MAL: variants seen among roughly 807,000 people sequenced by gnomAD.
MAL encodes the protein myelin and lymphocyte protein.
In MAL, 5 loss-of-function variants were observed where a neutral mutation model predicts 16.7. The ratio of observed to expected loss-of-function variants is 0.30; its 90% CI spans 0.16 to 0.63. The LOEUF (loss-of-function observed/expected upper bound fraction) is 0.63, where lower values mean the gene tolerates loss of function less well. MAL is among the 30% of genes least tolerant of loss of function. MAL has a pLI of 0.82. For missense variants in MAL, 202 were observed against 195.8 expected, an observed-to-expected ratio of 1.03 and a Z score of -0.19; for synonymous variants, 96 against 85.5, an observed-to-expected ratio of 1.12 and a Z score of -0.67.
intron 1 of MAL, among the ~76,000 whole-genome samples, chr2:95,035,859 C>T (rs1481531896): frequency 1.3e-5 from 2 of 151,930 alleles, no homozygotes; most frequent in African/African-American, 4.8e-5. Flanking sequence ...TTAGTAGAGA[C>T]GGGGTTTCAC....
chr2:95,030,721 G>A (rs1271954317), intron 1 of MAL, among the ~76,000 whole-genome samples: 1 of 152,224 alleles, frequency 6.6e-6, no homozygotes, highest in Non-Finnish European at 1.5e-5. Flanking sequence ...CCCTCCAGGG[G>A]CATGCCCTTC....
chr2:95,035,560 G>A (rs1268354195), intron 1 of MAL, among the ~76,000 whole-genome samples: 1 of 152,152 alleles, frequency 6.6e-6, no homozygotes, highest in African/African-American at 2.4e-5. Context: ...TATGGGAGAG[G>A]CTTCCCTGGG....
At position 95,028,539 on chromosome 2, in the gene MAL, C is replaced by T. The variant is rs374841762; in HGVS notation, c.93+2654C>T. On this transcript the variant is annotated intron_variant, in intron 1 of 3. Coordinates refer to ENST00000309988, the MANE Select transcript of MAL (RefSeq NM_002371.4). ...AGTTTGGTGTTCCCTCAAAAAATTACCCTCTGACCCAGCAATTCCACTCCT... is the reference window on the plus strand; with the variant it reads ...AGTTTGGTGTTCCCTCAAAAAATTATCCTCTGACCCAGCAATTCCACTCCT... Among the ~76,000 whole-genome samples the T allele has an allele frequency of 2.6e-4, 39 of 152,162 alleles. No individual in the cohort carries two copies. In the South Asian group the frequency reaches 6.6e-3, roughly 26 times the overall value.
In MAL at chr2:95,052,107, T is replaced by A. The variant is rs545731585; in HGVS notation, c.388-1274T>A. 1.0e-3 allele frequency among the ~76,000 whole-genome samples: 153 copies of A among 152,284 alleles called. 1 individual carries two copies. Among genetic ancestry groups the A allele is most frequent in the African/African-American group, 3.5e-3 (144 of 41,572 alleles). On this transcript the variant is annotated intron_variant, in intron 3 of 3. Coordinates refer to ENST00000309988, the MANE Select transcript of MAL (RefSeq NM_002371.4). Reference sequence around the variant, plus strand: ...TGCTTTGCCAAAGGGACCCCAGGGATGGGTGGAAGTCGCCTGGGGCGAGAT... The same window carrying A: ...TGCTTTGCCAAAGGGACCCCAGGGAAGGGTGGAAGTCGCCTGGGGCGAGAT...
chr2:95,035,423 A>G (rs1674180578), intron 1 of MAL, among the ~76,000 whole-genome samples: 2 of 152,192 alleles, frequency 1.3e-5, no homozygotes, highest in Admixed American at 1.3e-4. Flanking sequence ...CATGCCTATC[A>G]GAAAGCCCCT....
chr2:95,042,292 G>A (rs1674486439), intron 1 of MAL, among the ~76,000 whole-genome samples: 2 of 152,172 alleles, frequency 1.3e-5, no homozygotes, highest in Non-Finnish European at 1.5e-5. Context: ...ACAGAGCATC[G>A]CCCATGGCCT....
intron 1 of MAL, among the ~76,000 whole-genome samples, chr2:95,035,887 T>C (rs1674193562): frequency 6.6e-6 from 1 of 152,118 alleles, no homozygotes; most frequent in Admixed American, 6.5e-5. Flanking sequence ...GCCAGGATAG[T>C]CTCAATCTCC....
Position 95,037,540 on chromosome 2 carries a change from CTGAG to C in MAL, c.94-10403_94-10400del, listed in dbSNP as rs151095883. On this transcript the variant is annotated intron_variant, in intron 1 of 3. Transcript: ENST00000309988. ...AGTGAGTGAGCAAGCGAGTGAGTGA[CTGAG>C]TGAGTGAGTGAGTGACTGAGTGAGT... Among the ~76,000 whole-genome samples the C allele has an allele frequency of 7.5e-3, 670 of 89,816 alleles. 9 individuals are homozygous for C. Among genetic ancestry groups the C allele is most frequent in the African/African-American group, 0.025 (581 of 22,858 alleles). The allele number at this position is 89,816 out of a possible 152,430, so 58.9% of individuals were successfully genotyped here. A position where few individuals can be genotyped will look rare whatever the true frequency, so the allele number is the denominator to read the frequency against.
intron 1 of MAL, among the ~76,000 whole-genome samples, chr2:95,033,762 A>G (rs867767680): frequency 6.6e-6 from 1 of 152,086 alleles, no homozygotes; most frequent in Admixed American, 6.5e-5. Flanking sequence ...TGGGTGACAG[A>G]GTGAGAACCT....
At chr2:95,039,328 C>CTGAG (rs1170081356) in intron 1 of MAL, among the ~76,000 whole-genome samples, 39 of 83,296 alleles carry the variant, frequency 4.7e-4, no homozygotes, top group Middle Eastern at 0.011. Flanking sequence ...GAGTGAGTGA[C>CTGAG]TGAGTGAGTG....
intron 1 of MAL, among the ~76,000 whole-genome samples, chr2:95,047,199 A>G (rs1210366826): frequency 2.6e-5 from 4 of 152,218 alleles, no homozygotes. Flanking sequence ...ATCAGAAGAA[A>G]TAGCAGCTCT....
chr2:95,036,844 G>GGTGA (rs759723400), intron 1 of MAL, among the ~76,000 whole-genome samples: 4 of 115,926 alleles, frequency 3.5e-5, no homozygotes, highest in Admixed American at 1.8e-4. Flanking sequence ...TGACTGAATG[G>GGTGA]GTGAGTGAGT....
chr2:95,034,743 A>G (rs1311558014), intron 1 of MAL, among the ~76,000 whole-genome samples: 1 of 152,076 alleles, frequency 6.6e-6, no homozygotes, highest in East Asian at 1.9e-4. Flanking sequence ...GACCTCCTTC[A>G]TCTCCATCTG....
intron 1 of MAL, among the ~76,000 whole-genome samples, chr2:95,045,964 T>G (rs1263030859): frequency 6.6e-6 from 1 of 152,238 alleles, no homozygotes; most frequent in Non-Finnish European, 1.5e-5. Flanking sequence ...CCACCGGCCC[T>G]GCCACGTGCC....
chr2:95,042,536 C>A (rs1156776184), intron 1 of MAL, among the ~76,000 whole-genome samples: 1 of 152,208 alleles, frequency 6.6e-6, no homozygotes, highest in Non-Finnish European at 1.5e-5. Flanking sequence ...AGCACTCAAC[C>A]CTTATCCCTC....
At chr2:95,031,489 G>C (rs563751609) in intron 1 of MAL, among the ~76,000 whole-genome samples, 1 of 152,210 alleles carries the variant, frequency 6.6e-6, no homozygotes, top group Non-Finnish European at 1.5e-5. Flanking sequence ...GACTTGGAGC[G>C]GACATCTCGA....
chr2:95,035,048 C>T (rs1674172862), intron 1 of MAL, among the ~76,000 whole-genome samples: 1 of 152,196 alleles, frequency 6.6e-6, no homozygotes, highest in South Asian at 2.1e-4. Context: ...TAAGATGAGT[C>T]CTTGACCTCA....
At chr2:95,049,981 G>A (rs1009833566) in intron 3 of MAL, among the ~76,000 whole-genome samples, 39 of 152,310 alleles carry the variant, frequency 2.6e-4, no homozygotes, top group African/African-American at 9.1e-4. Context: ...GCTGCCCAGC[G>A]CCCTGTCCGA....
At chr2:95,038,272 C>G (rs1259782675) in intron 1 of MAL, among the ~76,000 whole-genome samples, 2 of 115,964 alleles carry the variant, frequency 1.7e-5, no homozygotes, top group African/African-American at 3.4e-5. Flanking sequence ...GAGTGAGAGA[C>G]TGAGTGACCG....
Sources: allele counts gnomAD v4.1 joint callset (sites outside exome capture counted in the v4.1 genomes callset), GRCh38; gene constraint gnomAD v4.1.1; transcripts MANE v1.5; gene names NCBI Gene and HGNC (gene_info 2026-07-23, HGNC 2026-07-21).